Variants in SVEP1 observed in about 807,000 individuals in gnomAD.
SVEP1 encodes sushi, von Willebrand factor type A, EGF and pentraxin domain containing 1, also known as sushi, von Willebrand factor type A, EGF and pentraxin domain-containing protein 1.
In SVEP1, 164 loss-of-function variants were observed where a neutral mutation model predicts 367.3. The observed-to-expected ratio is 0.45, with a 90% CI of 0.39 to 0.51. The LOEUF (loss-of-function observed/expected upper bound fraction) is 0.51. SVEP1 is among the 20% of genes least tolerant of loss of function. The pLI is 0.00. For missense variants in SVEP1, 4,117 were observed against 4,425.3 expected, an observed-to-expected ratio of 0.93 and a Z score of 1.98; for synonymous variants, 1,666 against 1,611.6, an observed-to-expected ratio of 1.03 and a Z score of -0.81.
intron 3 of SVEP1, among the ~76,000 whole-genome samples, chr9:110,545,104 T>C (rs1189259405): frequency 6.6e-6 from 1 of 152,242 alleles, no homozygotes; most frequent in Non-Finnish European, 1.5e-5. Flanking sequence ...TTCATTCTTT[T>C]TTTATGGCTG....
chr9:110,452,006 C>T (rs1204589889), intron 22 of SVEP1, among the ~76,000 whole-genome samples: 2 of 152,094 alleles, frequency 1.3e-5, no homozygotes, highest in Admixed American at 1.3e-4. Flanking sequence ...AACCATAAAT[C>T]TTCATGTTCA....
chr9:110,451,552 C>A, intron 22 of SVEP1, 150 bp from the exon 23 acceptor site: 1 of 559,940 alleles, frequency 1.8e-6, no homozygotes, highest in Non-Finnish European at 3.1e-6. Context: ...TAAAATGTTT[C>A]TTCTATTCTG....
At chr9:110,531,565 C>T (rs1185306016) in intron 3 of SVEP1, among the ~76,000 whole-genome samples, 1 of 152,086 alleles carries the variant, frequency 6.6e-6, no homozygotes, top group African/African-American at 2.4e-5. Context: ...CCCCTTCTGC[C>T]ATGATTGTAA....
chr9:110,491,972 A>T (rs1469514103), intron 8 of SVEP1, among the ~76,000 whole-genome samples: 1 of 152,008 alleles, frequency 6.6e-6, no homozygotes, highest in East Asian at 1.9e-4. Flanking sequence ...ACAACAAAAA[A>T]TTCCCACAGC....
chr9:110,559,581 A>G (rs1172649711), intron 1 of SVEP1, among the ~76,000 whole-genome samples: 3 of 152,270 alleles, frequency 2.0e-5, no homozygotes, highest in South Asian at 2.1e-4. Flanking sequence ...TGCAAAATAC[A>G]TAGGAAAACA....
Position 110,545,995 on chromosome 9 carries a change from G to A in SVEP1, c.964+120C>T, listed in dbSNP as rs566416222. On this transcript the variant is annotated intron_variant, in intron 3 of 47. Coordinates refer to ENST00000374469, the MANE Select transcript of SVEP1 (RefSeq NM_153366.4). ...AGCACAGCTGAAGCCCCAAAGAGAT[G>A]TGCCACTGACCCCACACACTAATGA... is the stretch of plus-strand genomic sequence containing the variant. 9.1e-5 allele frequency: 113 copies of A among 1,236,174 alleles called. 1 individual carries two copies. In the East Asian group the frequency reaches 2.6e-3, roughly 28 times the overall value. The allele number at this position is 1,236,174 out of a possible 1,614,324, so 76.6% of individuals were successfully genotyped here.
chr9:110,459,133 T>A lies in SVEP1; in HGVS notation c.3323-20A>T. The A allele has an allele frequency of 5.0e-6, 8 of 1,610,508 alleles. No individual in the cohort carries two copies. The highest frequency in any genetic ancestry group is 6.8e-6 in the Non-Finnish European group (8 of 1,177,446). On this transcript the variant is annotated intron_variant, in intron 18 of 47. Transcript: ENST00000374469. ...AAGGAACTGCAGAGGTAAAAACAAA[T>A]CATATGTGCATATAAAGTAACACAC...
intron 3 of SVEP1, among the ~76,000 whole-genome samples, chr9:110,537,015 G>T (rs575125522): frequency 7.2e-5 from 11 of 151,924 alleles, no homozygotes; most frequent in Non-Finnish European, 1.0e-4. Flanking sequence ...AACTCCTTTT[G>T]TACGTCAAAA....
chr9:110,546,264 T>C lies in SVEP1; in HGVS notation c.815A>G (p.Asp272Gly), dbSNP rs761480586. The C allele has an allele frequency of 1.9e-6, 3 of 1,593,194 alleles. No homozygotes were observed. Among genetic ancestry groups the C allele is most frequent in the Middle Eastern group, 1.7e-4 (1 of 6,044 alleles). Residue 272 changes from aspartate to glycine, a missense_variant, in exon 3 of 48, where the codon GAT (aspartate) becomes GGT (glycine). Asp to Gly is a moderately conservative substitution (Grantham distance 94, BLOSUM62 -1). Coordinates refer to ENST00000374469, the MANE Select transcript of SVEP1 (RefSeq NM_153366.4). ...AAGATATGAGCAGTGGACCATATCA[T>C]CTTGAATAAAACTCCCAGAAGGTAG... Reference protein sequence around the residue: ...EDLPSGSFIQDDMVHCSYLCD... With the variant: ...EDLPSGSFIQGDMVHCSYLCD...
chr9:110,503,190 G>C lies in SVEP1; in HGVS notation c.1331C>G (p.Pro444Arg). ...RVRTCPHLRQPKHGHISCSTR... is the reference protein window; with the variant it reads ...RVRTCPHLRQRKHGHISCSTR... ...AGAACAGCTGATGTGGCCATGTTTC[G>C]GCTGGCGGAGATGAGGACATGTTCT... The change falls in exon 6 of 48, where the codon CCG (proline) becomes CGG (arginine). Residue 444 changes from proline (P) to arginine (R), a missense_variant. Physicochemically the swap from Pro to Arg is moderately radical, Grantham distance 103. Coordinates refer to ENST00000374469, the MANE Select transcript of SVEP1 (RefSeq NM_153366.4). The C allele has an allele frequency of 1.2e-6, 2 of 1,613,248 alleles. No homozygotes were observed. The highest frequency in any genetic ancestry group is 8.5e-7 in the Non-Finnish European group (1 of 1,179,670).
At chr9:110,517,074 G>C (rs777987214) in intron 3 of SVEP1, among the ~76,000 whole-genome samples, 2 of 152,184 alleles carry the variant, frequency 1.3e-5, no homozygotes, top group Non-Finnish European at 2.9e-5. Context: ...AAAAAATTAT[G>C]AACCCCAAGT....
chr9:110,389,588 C>T lies in SVEP1; in HGVS notation c.9823-1G>A. ...CCTGGCAGACACGTTCCCTGTTCCCCTGTGAAACAATGGAGAAAGGTCATC... is the reference window on the plus strand; with the variant it reads ...CCTGGCAGACACGTTCCCTGTTCCCTTGTGAAACAATGGAGAAAGGTCATC... On this transcript the variant is annotated splice_acceptor_variant, in intron 40 of 47. Transcript: ENST00000374469. LOFTEE classifies it high-confidence loss of function. The T allele has an allele frequency of 6.2e-7, 1 of 1,613,556 alleles. No homozygotes were observed. Among genetic ancestry groups the T allele is most frequent in the Non-Finnish European group, 8.5e-7 (1 of 1,179,718 alleles).
chr9:110,558,491 G>GTGACAGAA (rs1368456588), intron 1 of SVEP1, among the ~76,000 whole-genome samples: 2 of 141,736 alleles, frequency 1.4e-5, no homozygotes, highest in African/African-American at 5.3e-5. Context: ...TCCAGCCTGG[G>GTGACAGAA]TGACAGAATG....
At chr9:110,367,406 C>T (rs553280804) in intron 47 of SVEP1, among the ~76,000 whole-genome samples, 10 of 117,318 alleles carry the variant, frequency 8.5e-5, no homozygotes, top group South Asian at 2.5e-4. Flanking sequence ...CCAAGTGATC[C>T]GCTTGCTGCC....
chr9:110,512,829 C>T lies in SVEP1; in HGVS notation c.1303+97G>A, dbSNP rs75247072. On this transcript the variant is annotated intron_variant, in intron 5 of 47. Coordinates refer to ENST00000374469, the MANE Select transcript of SVEP1 (RefSeq NM_153366.4). Reference sequence around the variant, plus strand: ...TTCTGTAGTATGGGGTCTATGAAATCCAAAAAGAAATGAAGAACTGACTGG... The same window carrying T: ...TTCTGTAGTATGGGGTCTATGAAATTCAAAAAGAAATGAAGAACTGACTGG... 9,754 of 1,435,634 alleles carry T rather than the reference C, an allele frequency of 6.8e-3. 445 individuals carry two copies. In the African/African-American group the frequency reaches 0.11, roughly 16 times the overall value. 88.9% of individuals were successfully genotyped at this position (1,435,634 alleles called of 1,614,324 possible).
intron 39 of SVEP1, among the ~76,000 whole-genome samples, chr9:110,403,934 T>C (rs1827911867): frequency 6.7e-6 from 1 of 150,238 alleles, no homozygotes; most frequent in South Asian, 2.1e-4. Flanking sequence ...AAGCAGCAAA[T>C]AGCAGAGAAG....
At chr9:110,465,329 T>C (rs1446725028) in intron 18 of SVEP1, among the ~76,000 whole-genome samples, 1 of 152,042 alleles carries the variant, frequency 6.6e-6, no homozygotes, top group African/African-American at 2.4e-5. Flanking sequence ...TCCCAGCCTC[T>C]ACTCAGACAA....
Position 110,579,604 on chromosome 9 carries a change from C to T in SVEP1, c.-61G>A. 1 of 1,472,732 alleles carries T rather than the reference C, an allele frequency of 6.8e-7. No homozygotes were observed. The highest frequency in any genetic ancestry group is 8.9e-7 in the Non-Finnish European group (1 of 1,119,082). The allele number at this position is 1,472,732 out of a possible 1,614,324, so 91.2% of individuals were successfully genotyped here. A position where few individuals can be genotyped will look rare whatever the true frequency, so the allele number is the denominator to read the frequency against. ...GCGGCGGCTCGGGCGGGAAGAGGCG[C>T]TGGGCGGCCGGACTCGCAGAGGGGC... is the stretch of plus-strand genomic sequence containing the variant. On this transcript the variant is annotated 5_prime_UTR_variant, in exon 1 of 48. Coordinates refer to ENST00000374469, the MANE Select transcript of SVEP1 (RefSeq NM_153366.4). This position sits in a 1 kb window ranked among gnomAD's most constrained non-coding sequence, Gnocchi z 5.3.
chr9:110,375,262 C>A, intron 46 of SVEP1, 106 bp downstream of exon 46: 1 of 997,058 alleles, frequency 1.0e-6, no homozygotes, highest in Non-Finnish European at 1.5e-6. Context: ...AACATCAGTA[C>A]TTTTTCATTT....
Sources: gnomAD v4.1 joint callset for allele counts (sites outside exome capture counted in the v4.1 genomes callset) on GRCh38, gnomAD v4.1.1 for gene constraint, Gnocchi (gnomAD v3.1) non-coding constraint, MANE v1.5 for transcripts, NCBI Gene and HGNC (gene_info 2026-07-23, HGNC 2026-07-21) for gene names.